The following LPP variants were observed in gnomAD, a reference collection of about 807,000 sequenced individuals.
The protein encoded by LPP is lipoma-preferred partner.
In LPP, 38 loss-of-function variants were observed where a neutral mutation model predicts 60.4. That is an observed-to-expected ratio of 0.63 (90% CI 0.49 to 0.83). LPP has a LOEUF of 0.83. Among genes scored for constraint, LPP ranks in the 40% least tolerant of loss-of-function variants. The probability of loss-of-function intolerance (pLI) is 0.00; values close to 1 mark genes in which losing one functional copy is unlikely to be tolerated. For synonymous variants in LPP, 328 were observed against 290.8 expected (o/e 1.13, Z -1.30); for missense variants, 902 against 783.6 (o/e 1.15, Z -1.80).
In LPP at chr3:188,757,896, T is replaced by G. The variant is rs201091915; in HGVS notation, c.1241-2217T>G. 2.7e-4 allele frequency among the ~76,000 whole-genome samples: 25 copies of G among 91,762 alleles called. No individual in the cohort carries two copies. The South Asian group carries it at 7.1e-3, about 26-fold the overall frequency. 60.2% of individuals were successfully genotyped at this position (91,762 alleles called of 152,430 possible). A position where few individuals can be genotyped will look rare whatever the true frequency, so the allele number is the denominator to read the frequency against. On this transcript the variant is annotated intron_variant, in intron 8 of 11. Coordinates refer to ENST00000617246, the MANE Select transcript of LPP (RefSeq NM_001375462.1). ...TGTGGTTTTGTTTTTTTGGTTTTTT[T>G]TTTTTTTTTTTTTCAGAATAATTTC...
At chr3:188,154,834 C>G (rs1470751489) in intron 1 of LPP, among the ~76,000 whole-genome samples, 1 of 152,154 alleles carries the variant, frequency 6.6e-6, no homozygotes, top group African/African-American at 2.4e-5. Context: ...CAAACCTGGC[C>G]TAGGGTAGAA....
At chr3:188,593,238 T>C (rs987104009) in intron 6 of LPP, among the ~76,000 whole-genome samples, 7 of 151,774 alleles carry the variant, frequency 4.6e-5, no homozygotes, top group Non-Finnish European at 1.0e-4. Flanking sequence ...GTAGCTGATC[T>C]GCTTATCATG....
chr3:188,657,898 G>A (rs1451008945), intron 7 of LPP, among the ~76,000 whole-genome samples: 1 of 152,080 alleles, frequency 6.6e-6, no homozygotes, highest in Non-Finnish European at 1.5e-5. Context: ...TTATAACATT[G>A]TTAGAGTAGA....
chr3:188,314,641 T>C (rs1703106612), intron 2 of LPP, among the ~76,000 whole-genome samples: 1 of 151,894 alleles, frequency 6.6e-6, no homozygotes, highest in East Asian at 1.9e-4. Flanking sequence ...ACCAAAATAG[T>C]GAAATCTCGT....
intron 1 of LPP, among the ~76,000 whole-genome samples, chr3:188,210,418 C>T (rs942791408): frequency 3.9e-5 from 6 of 152,082 alleles, no homozygotes; most frequent in African/African-American, 9.7e-5. Flanking sequence ...ATTTCAGTTC[C>T]GTGTAAGGAA....
intron 1 of LPP, among the ~76,000 whole-genome samples, chr3:188,183,507 A>G (rs1045431423): frequency 6.6e-6 from 1 of 152,150 alleles, no homozygotes; most frequent in Admixed American, 6.5e-5. Flanking sequence ...TCTTGCTTCC[A>G]GTTGTGCCCA....
chr3:188,259,686 T>TC (rs1732901777), intron 2 of LPP, among the ~76,000 whole-genome samples: 1 of 152,192 alleles, frequency 6.6e-6, no homozygotes, highest in African/African-American at 2.4e-5. Flanking sequence ...AAATTATTTT[T>TC]CCCCCAGTGT....
intron 8 of LPP, among the ~76,000 whole-genome samples, chr3:188,722,438 A>G (rs1262382397): frequency 2.0e-5 from 3 of 152,186 alleles, no homozygotes; most frequent in East Asian, 1.9e-4. Flanking sequence ...CTTTTGTCAG[A>G]TAGCTTAGTA....
intron 9 of LPP, among the ~76,000 whole-genome samples, chr3:188,800,540 C>T (rs183929536): frequency 3.6e-4 from 55 of 152,220 alleles, no homozygotes; most frequent in African/African-American, 1.0e-3. Flanking sequence ...CCACCACACC[C>T]GGCCAAAACT....
chr3:188,577,072 T>C (rs1834792418), intron 6 of LPP, among the ~76,000 whole-genome samples: 1 of 152,098 alleles, frequency 6.6e-6, no homozygotes. Flanking sequence ...ATTTTGGAAG[T>C]GGCAAAGTGG....
intron 8 of LPP, among the ~76,000 whole-genome samples, chr3:188,729,713 A>G (rs926767666): frequency 6.6e-6 from 1 of 152,102 alleles, no homozygotes; most frequent in Non-Finnish European, 1.5e-5. Context: ...ACAGTGGCTC[A>G]CGCTTATAAT....
intron 7 of LPP, among the ~76,000 whole-genome samples, chr3:188,681,771 A>G (rs550632952): frequency 3.3e-5 from 5 of 152,202 alleles, no homozygotes; most frequent in Non-Finnish European, 5.9e-5. Flanking sequence ...CCATTTTTCT[A>G]TATACAAAAT....
At chr3:188,559,981 G>T (rs1024124667) in intron 6 of LPP, among the ~76,000 whole-genome samples, 1 of 152,086 alleles carries the variant, frequency 6.6e-6, no homozygotes, top group Admixed American at 6.6e-5. Context: ...TGGCAAAGTG[G>T]AAAGAGCTTC....
chr3:188,763,731 T>C (rs908872472), intron 9 of LPP, among the ~76,000 whole-genome samples: 1 of 152,150 alleles, frequency 6.6e-6, no homozygotes, highest in African/African-American at 2.4e-5. Flanking sequence ...TTTAAAACCA[T>C]TTGCCAGTCA....
chr3:188,803,434 T>C (rs1401079824), intron 9 of LPP, among the ~76,000 whole-genome samples: 1 of 152,240 alleles, frequency 6.6e-6, no homozygotes, highest in Non-Finnish European at 1.5e-5. Context: ...CTAGAAGCTT[T>C]AATAATTTTA....
chr3:188,723,739 C>T (rs1451287981), intron 8 of LPP, among the ~76,000 whole-genome samples: 1 of 151,982 alleles, frequency 6.6e-6, no homozygotes, highest in African/African-American at 2.4e-5. Flanking sequence ...AATAAAGAGG[C>T]ACTATAGCAT....
intron 6 of LPP, among the ~76,000 whole-genome samples, chr3:188,600,939 G>T (rs1241346728): frequency 1.3e-5 from 2 of 151,708 alleles, no homozygotes; most frequent in African/African-American, 4.8e-5. Flanking sequence ...TATATGTATA[G>T]ATATATAGAT....
intron 3 of LPP, among the ~76,000 whole-genome samples, chr3:188,356,996 G>T (rs1207388132): frequency 6.6e-6 from 1 of 152,150 alleles, no homozygotes; most frequent in Non-Finnish European, 1.5e-5. Context: ...TCATTCCATT[G>T]CTTTCCATCC....
chr3:188,805,153 T>C (rs1176154873), intron 9 of LPP, among the ~76,000 whole-genome samples: 1 of 152,066 alleles, frequency 6.6e-6, no homozygotes, highest in Middle Eastern at 3.2e-3. Flanking sequence ...AAACTGTGGT[T>C]TTCTTTTTTG....
Sources: allele counts gnomAD v4.1 joint callset (sites outside exome capture counted in the v4.1 genomes callset), GRCh38; gene constraint gnomAD v4.1.1; transcripts MANE v1.5; gene names NCBI Gene and HGNC (gene_info 2026-07-23, HGNC 2026-07-21).